The following CFAP299 variants were observed in gnomAD, a reference collection of about 807,000 sequenced individuals.
The protein encoded by CFAP299 is cilia and flagella associated protein 299.
Under a neutral mutation model 27.0 loss-of-function variants are expected in CFAP299, and 21 were observed. The ratio of observed to expected loss-of-function variants is 0.78; its 90% CI spans 0.55 to 1.12. The LOEUF is 1.12. Among genes scored for constraint, CFAP299 ranks in the 50% most tolerant of loss-of-function variants. The pLI, the probability that CFAP299 is intolerant of heterozygous loss-of-function variation, is 0.00. For missense variants in CFAP299, 310 were observed against 276.6 expected, an observed-to-expected ratio of 1.12 and a Z score of -0.86; for synonymous variants, 104 against 98.1, an observed-to-expected ratio of 1.06 and a Z score of -0.36.
At chr4:80,867,310 T>C (rs1732801203) in intron 3 of CFAP299, among the ~76,000 whole-genome samples, 2 of 152,202 alleles carry the variant, frequency 1.3e-5, no homozygotes, top group Non-Finnish European at 2.9e-5. Flanking sequence ...CTCTCCCGTA[T>C]GTATGTTTTT....
At chr4:80,590,381 G>A (rs1553937168) in intron 3 of CFAP299, among the ~76,000 whole-genome samples, 3 of 152,150 alleles carry the variant, frequency 2.0e-5, no homozygotes, top group Non-Finnish European at 4.4e-5. Context: ...GCTCATGCCT[G>A]TAATACTAGC....
At chr4:80,625,218 G>A (rs932930548) in intron 3 of CFAP299, among the ~76,000 whole-genome samples, 1 of 151,990 alleles carries the variant, frequency 6.6e-6, no homozygotes, top group African/African-American at 2.4e-5. Context: ...TGTAAATTGT[G>A]GCATAAAAAA....
intron 3 of CFAP299, among the ~76,000 whole-genome samples, chr4:80,624,363 TC>T (rs1219953711): frequency 2.6e-5 from 4 of 151,094 alleles, no homozygotes; most frequent in African/African-American, 9.7e-5. Context: ...AATGAAAAAT[TC>T]AATAGATGGC....
intron 3 of CFAP299, among the ~76,000 whole-genome samples, chr4:80,591,887 A>G (rs1353709443): frequency 6.6e-6 from 1 of 152,204 alleles, no homozygotes; most frequent in Non-Finnish European, 1.5e-5. Flanking sequence ...CCTTAAAATT[A>G]GTATGGTTTA....
intron 3 of CFAP299, among the ~76,000 whole-genome samples, chr4:80,674,682 T>C (rs1442613116): frequency 6.6e-6 from 1 of 152,228 alleles, no homozygotes; most frequent in African/African-American, 2.4e-5. Flanking sequence ...ATTTGGTCTT[T>C]TCACATTGTC....
chr4:80,439,658 G>A (rs533999139), intron 2 of CFAP299, among the ~76,000 whole-genome samples: 12 of 152,062 alleles, frequency 7.9e-5, no homozygotes, highest in Non-Finnish European at 1.3e-4. Flanking sequence ...GAGTTTTTTC[G>A]TACCCCAGTG....
At chr4:80,321,895 G>A in the CFAP299 span, among the ~76,000 whole-genome samples, 5 of 152,110 alleles carry the variant, frequency 3.3e-5, no homozygotes, top group African/African-American at 1.2e-4. Context: ...CAAGAAAGAG[G>A]AGAAGGAGAA....
chr4:80,931,040 G>T (rs537641257), intron 4 of CFAP299, among the ~76,000 whole-genome samples: 1 of 152,082 alleles, frequency 6.6e-6, no homozygotes, highest in South Asian at 2.1e-4. Flanking sequence ...GAATCATAAG[G>T]CAGGGACTGT....
intron 3 of CFAP299, among the ~76,000 whole-genome samples, chr4:80,811,413 T>TA (rs1370241605): frequency 1.3e-5 from 2 of 152,170 alleles, no homozygotes; most frequent in African/African-American, 4.8e-5. Flanking sequence ...TTTATATAAC[T>TA]AAAAAATGTA....
At chr4:80,932,695 TG>T (rs1406199669) in intron 4 of CFAP299, among the ~76,000 whole-genome samples, 3 of 152,188 alleles carry the variant, frequency 2.0e-5, no homozygotes, top group Non-Finnish European at 2.9e-5. Flanking sequence ...GGCAAATCTA[TG>T]GCAAAACTTT....
At chr4:80,662,346 G>T (rs1476740618) in intron 3 of CFAP299, among the ~76,000 whole-genome samples, 1 of 150,900 alleles carries the variant, frequency 6.6e-6, no homozygotes, top group African/African-American at 2.4e-5. Context: ...TTATTTCTCA[G>T]ACCAGGTGAC....
intron 3 of CFAP299, among the ~76,000 whole-genome samples, chr4:80,613,928 A>C (rs1052143271): frequency 3.3e-5 from 5 of 152,062 alleles, no homozygotes; most frequent in African/African-American, 1.2e-4. Flanking sequence ...ACTCTTCGCT[A>C]TTCCTTATAC....
rs1361037945 is a variant in CFAP299, at chr4:80,891,845, A to G, written c.476+21710A>G. Among the ~76,000 whole-genome samples, 4 of 145,256 alleles carry G rather than the reference A, an allele frequency of 2.8e-5. No individual in the cohort carries two copies. The East Asian group carries it at 7.8e-4, about 28-fold the overall frequency. ...TAGATTAAAGGAAAAAAAAAAAAAA[A>G]AAAAGAAATTGCAGAGATCACAAAA... On this transcript the variant is annotated intron_variant, in intron 4 of 5. Coordinates refer to ENST00000358105, the MANE Select transcript of CFAP299 (RefSeq NM_152770.3).
At chr4:80,957,706 T>C (rs1445902641) in intron 5 of CFAP299, among the ~76,000 whole-genome samples, 1 of 152,206 alleles carries the variant, frequency 6.6e-6, no homozygotes, top group Non-Finnish European at 1.5e-5. Context: ...AATTGTAATA[T>C]AGATCATAAG....
chr4:80,744,776 TAAAA>T (rs1248570480), intron 3 of CFAP299, among the ~76,000 whole-genome samples: 1 of 152,148 alleles, frequency 6.6e-6, no homozygotes, highest in Admixed American at 6.6e-5. Context: ...TTCTATGACT[TAAAA>T]GAACCCAAAT....
chr4:80,400,898 G>A (rs186648872), intron 2 of CFAP299, among the ~76,000 whole-genome samples: 1 of 152,160 alleles, frequency 6.6e-6, no homozygotes, highest in African/African-American at 2.4e-5. Context: ...TAGACAATAA[G>A]GTCCAGGCTG....
At chr4:80,897,613 A>G (rs1276683708) in intron 4 of CFAP299, among the ~76,000 whole-genome samples, 1 of 152,144 alleles carries the variant, frequency 6.6e-6, no homozygotes, top group East Asian at 1.9e-4. Flanking sequence ...CTCTACCACA[A>G]TCAGAAAACT....
At chr4:80,875,091 T>C (rs551628051) in intron 4 of CFAP299, among the ~76,000 whole-genome samples, 10 of 152,300 alleles carry the variant, frequency 6.6e-5, no homozygotes, top group African/African-American at 2.4e-4. Context: ...TGCTGGCTCA[T>C]ATCGTATTAT....
At chr4:80,457,081 C>T (rs1729204186) in intron 2 of CFAP299, among the ~76,000 whole-genome samples, 1 of 150,944 alleles carries the variant, frequency 6.6e-6, no homozygotes, top group African/African-American at 2.4e-5. Flanking sequence ...AAATGGAAGA[C>T]TTTTACAGCA....
Sources: allele counts gnomAD v4.1 joint callset (sites outside exome capture counted in the v4.1 genomes callset), GRCh38; gene constraint gnomAD v4.1.1; transcripts MANE v1.5; gene names NCBI Gene and HGNC (gene_info 2026-07-23, HGNC 2026-07-21).